The following PTPRT variants were observed in gnomAD, a reference collection of about 807,000 sequenced individuals.
The protein encoded by PTPRT is protein tyrosine phosphatase receptor type T, also known as receptor-type tyrosine-protein phosphatase T.
In PTPRT, 56 loss-of-function variants were observed where a neutral mutation model predicts 176.8. That is an observed-to-expected ratio of 0.32 (90% CI 0.26 to 0.40). The LOEUF is 0.40. Among genes scored for constraint, PTPRT ranks in the 10% least tolerant of loss-of-function variants. PTPRT has a pLI of 1.00. For missense variants in PTPRT, 1,540 were observed against 1,908.2 expected (o/e 0.81, Z 3.60); for synonymous variants, 783 against 739.0 (o/e 1.06, Z -0.96).
At chr20:42,041,933 A>G in the PTPRT span, among the ~76,000 whole-genome samples, 1 of 152,084 alleles carries the variant, frequency 6.6e-6, no homozygotes, top group Non-Finnish European at 1.5e-5. Context: ...TTCAATCCCT[A>G]TTAAATAAAT....
chr20:42,559,215 G>A (rs1012203864), intron 7 of PTPRT, among the ~76,000 whole-genome samples: 1 of 152,128 alleles, frequency 6.6e-6, no homozygotes, highest in Admixed American at 6.5e-5. Context: ...CATGCTGCCT[G>A]ATCTGTGATG....
At chr20:42,564,439 A>G (rs1202298288) in intron 7 of PTPRT, among the ~76,000 whole-genome samples, 4 of 152,234 alleles carry the variant, frequency 2.6e-5, no homozygotes, top group African/African-American at 9.6e-5. Flanking sequence ...ATTAGAAATA[A>G]CAATACAACA....
intron 7 of PTPRT, among the ~76,000 whole-genome samples, chr20:42,578,692 C>A (rs1282122039): frequency 3.3e-5 from 5 of 152,082 alleles, no homozygotes; most frequent in Admixed American, 3.3e-4. Flanking sequence ...TCAACCAGCT[C>A]TCCCTTTGCA....
intron 1 of PTPRT, among the ~76,000 whole-genome samples, chr20:43,066,638 ACCT>A (rs2146262176): frequency 6.6e-6 from 1 of 152,102 alleles, no homozygotes; most frequent in East Asian, 1.9e-4. Context: ...CTCCACACCT[ACCT>A]CACCTTAGGT....
intron 19 of PTPRT, among the ~76,000 whole-genome samples, chr20:42,121,838 T>C (rs1987609246): frequency 6.6e-6 from 1 of 151,762 alleles, no homozygotes; most frequent in African/African-American, 2.4e-5. Flanking sequence ...TAAAAAATAA[T>C]GAAATCATGA....
intron 2 of PTPRT, among the ~76,000 whole-genome samples, chr20:42,867,248 G>T (rs962238307): frequency 6.6e-6 from 1 of 152,170 alleles, no homozygotes; most frequent in African/African-American, 2.4e-5. Flanking sequence ...TCATTTTAGA[G>T]ACGAGCATGA....
chr20:42,123,031 AT>A (rs1987664001), intron 19 of PTPRT, among the ~76,000 whole-genome samples: 1 of 152,056 alleles, frequency 6.6e-6, no homozygotes, highest in Non-Finnish European at 1.5e-5. Context: ...GCTGCAGTAA[AT>A]TTTTTTGTAC....
At chr20:42,944,984 T>TA (rs1369702487) in intron 1 of PTPRT, among the ~76,000 whole-genome samples, 1 of 151,772 alleles carries the variant, frequency 6.6e-6, no homozygotes, top group African/African-American at 2.4e-5. Context: ...TTTTTATGGA[T>TA]AAAATGAATA....
intron 2 of PTPRT, among the ~76,000 whole-genome samples, chr20:42,876,058 TTCA>T (rs930314882): frequency 6.6e-6 from 1 of 152,172 alleles, no homozygotes; most frequent in African/African-American, 2.4e-5. Context: ...TCCATCCTCC[TTCA>T]CTCTCTCCCT....
chr20:42,212,791 C>A (rs879735277), intron 15 of PTPRT, among the ~76,000 whole-genome samples: 83 of 152,010 alleles, frequency 5.5e-4, no homozygotes, highest in Non-Finnish European at 1.0e-3. Flanking sequence ...ATTTTAAATA[C>A]AAAAAAATCC....
intron 16 of PTPRT, among the ~76,000 whole-genome samples, chr20:42,189,520 G>A (rs1990911275): frequency 6.6e-6 from 1 of 152,106 alleles, no homozygotes; most frequent in South Asian, 2.1e-4. Flanking sequence ...AATATTTAAA[G>A]GAACACCTCA....
intron 15 of PTPRT, among the ~76,000 whole-genome samples, chr20:42,223,898 G>A (rs563164567): frequency 1.7e-4 from 26 of 152,202 alleles, no homozygotes; most frequent in Admixed American, 5.9e-4. Context: ...CTTTAGTCTC[G>A]AGGCTCAATT....
chr20:42,719,001 T>C (rs780064287), intron 6 of PTPRT, among the ~76,000 whole-genome samples: 2 of 152,190 alleles, frequency 1.3e-5, no homozygotes, highest in African/African-American at 2.4e-5. Context: ...ATTGAACATA[T>C]GCAGGGATGG....
intron 14 of PTPRT, among the ~76,000 whole-genome samples, chr20:42,247,785 G>A (rs1402549640): frequency 1.3e-5 from 2 of 152,194 alleles, no homozygotes; most frequent in Non-Finnish European, 2.9e-5. Context: ...GTGGAGGTGG[G>A]AAGTAGATGT....
intron 7 of PTPRT, among the ~76,000 whole-genome samples, chr20:42,585,532 T>C (rs575074274): frequency 2.6e-5 from 4 of 152,316 alleles, no homozygotes; most frequent in African/African-American, 9.6e-5. Flanking sequence ...GTACCATGTT[T>C]AGCTACAGTC....
rs574288263 is a variant in PTPRT, at chr20:42,719,208, C to T, written c.859+37254G>A. On this transcript the variant is annotated intron_variant, in intron 6 of 30. Coordinates refer to ENST00000373187, the MANE Select transcript of PTPRT (RefSeq NM_007050.6). ...TAATCGTAAGTTCAGCAGAACTGTC[C>T]GCGCAAGAGATATGGGTGTGGGAGT... 2.1e-4 allele frequency among the ~76,000 whole-genome samples: 32 copies of T among 152,160 alleles called. 1 individual carries two copies. Among genetic ancestry groups the T allele is most frequent in the Admixed American group, 1.0e-3 (16 of 15,288 alleles).
At chr20:42,795,589 T>C (rs1028737162) in intron 2 of PTPRT, among the ~76,000 whole-genome samples, 7 of 152,230 alleles carry the variant, frequency 4.6e-5, no homozygotes, top group African/African-American at 1.7e-4. Flanking sequence ...GAGCTCAGCA[T>C]GGTCCCTGCA....
intron 1 of PTPRT, among the ~76,000 whole-genome samples, chr20:43,008,868 T>C (rs2146146140): frequency 6.6e-6 from 1 of 152,290 alleles, no homozygotes; most frequent in South Asian, 2.1e-4. Flanking sequence ...CTGCCTTCCA[T>C]TGCCCGTCTC....
At chr20:42,959,462 G>A (rs146588500) in intron 1 of PTPRT, among the ~76,000 whole-genome samples, 96 of 152,200 alleles carry the variant, frequency 6.3e-4, no homozygotes, top group Non-Finnish European at 1.2e-3. Flanking sequence ...CCCGTACTTC[G>A]GATGCATCAT....
Sources: gnomAD v4.1 joint callset for allele counts (sites outside exome capture counted in the v4.1 genomes callset) on GRCh38, gnomAD v4.1.1 for gene constraint, MANE v1.5 for transcripts, NCBI Gene and HGNC (gene_info 2026-07-23, HGNC 2026-07-21) for gene names.